CHLSN: variants seen among roughly 807,000 people sequenced by gnomAD.
CHLSN encodes protein cholesin.
At chr7:1,131,484 C>G in the CHLSN span, among the ~76,000 whole-genome samples, 250 of 152,330 alleles carry the variant, frequency 1.6e-3, no homozygotes, top group Non-Finnish European at 2.6e-3. Flanking sequence ...CTGGTAACAG[C>G]ACATTGGAAG....
the CHLSN span, among the ~76,000 whole-genome samples, chr7:1,085,098 C>T: frequency 3.9e-5 from 6 of 152,260 alleles, no homozygotes; most frequent in African/African-American, 1.2e-4. Context: ...GTGGCATTCA[C>T]TCGGGAGGGC....
chr7:1,049,731 G>A, the CHLSN span, among the ~76,000 whole-genome samples: 2 of 152,226 alleles, frequency 1.3e-5, no homozygotes, highest in Admixed American at 6.5e-5. Flanking sequence ...TAGACCAGAG[G>A]TCAAGGCAGC....
chr7:1,057,547 G>A, the CHLSN span: 103,991 of 773,128 alleles, frequency 0.13, 8,165 homozygotes, highest in Middle Eastern at 0.24. Context: ...AACGGCACAG[G>A]GCTGGTGGAG....
At chr7:1,113,167 C>T in the CHLSN span, among the ~76,000 whole-genome samples, 4 of 151,920 alleles carry the variant, frequency 2.6e-5, no homozygotes, top group Non-Finnish European at 5.9e-5. Context: ...GAGGCATCCA[C>T]GTCGATGTCC....
chr7:991,551 G>A, the CHLSN span, among the ~76,000 whole-genome samples: 3 of 152,358 alleles, frequency 2.0e-5, no homozygotes, highest in South Asian at 6.2e-4. Context: ...GCAGACCTGG[G>A]TGCCCGTTTC....
chr7:1,075,174 G>T, the CHLSN span, among the ~76,000 whole-genome samples: 1 of 152,188 alleles, frequency 6.6e-6, no homozygotes, highest in Non-Finnish European at 1.5e-5. Flanking sequence ...GAGGGGTGTG[G>T]TTCCTAGGCC....
the CHLSN span, among the ~76,000 whole-genome samples, chr7:1,121,510 C>T: frequency 7.9e-5 from 12 of 152,230 alleles, no homozygotes; most frequent in Non-Finnish European, 1.6e-4. Flanking sequence ...TTTTATAAAG[C>T]TGCGGTCTTC....
At chr7:1,017,298 C>T in the CHLSN span, among the ~76,000 whole-genome samples, 2 of 152,140 alleles carry the variant, frequency 1.3e-5, no homozygotes, top group African/African-American at 4.8e-5. Context: ...GGGAGGGACG[C>T]CACCAGCCCA....
chr7:1,131,049 C>T, the CHLSN span, among the ~76,000 whole-genome samples: 8 of 151,858 alleles, frequency 5.3e-5, no homozygotes, highest in African/African-American at 7.3e-5. Flanking sequence ...AAATTGGCTA[C>T]GCTTGGTGGT....
chr7:1,037,190 A>T, the CHLSN span, among the ~76,000 whole-genome samples: 1 of 145,340 alleles, frequency 6.9e-6, no homozygotes, highest in African/African-American at 2.5e-5. Context: ...AAAAATCTGT[A>T]GTTATGTCAT....
At chr7:1,066,698 G>C in the CHLSN span, among the ~76,000 whole-genome samples, 1 of 152,240 alleles carries the variant, frequency 6.6e-6, no homozygotes, top group African/African-American at 2.4e-5. Flanking sequence ...GTCTGCCAGG[G>C]GCCTGCTGGG....
chr7:1,017,711 C>T, the CHLSN span, among the ~76,000 whole-genome samples: 3 of 152,180 alleles, frequency 2.0e-5, no homozygotes, highest in African/African-American at 4.8e-5. Context: ...CTGACTGCCG[C>T]GGGCAGCCGC....
chr7:1,030,907 G>C, the CHLSN span, among the ~76,000 whole-genome samples: 1 of 152,144 alleles, frequency 6.6e-6, no homozygotes, highest in African/African-American at 2.4e-5. Flanking sequence ...TTACTGCACC[G>C]GCACATCCAA....
At chr7:1,030,301 C>T in the CHLSN span, among the ~76,000 whole-genome samples, 1 of 152,228 alleles carries the variant, frequency 6.6e-6, no homozygotes, top group African/African-American at 2.4e-5. Context: ...CACAGCCACC[C>T]GCCTCCACAC....
chr7:1,119,036 T>C, the CHLSN span, among the ~76,000 whole-genome samples: 1 of 149,630 alleles, frequency 6.7e-6, no homozygotes, highest in African/African-American at 2.5e-5. Flanking sequence ...AGGAGGATCA[T>C]GAGGTCTAGA....
chr7:1,070,354 TG>T, the CHLSN span, among the ~76,000 whole-genome samples: 3 of 104,830 alleles, frequency 2.9e-5, no homozygotes, highest in Admixed American at 9.1e-5. Context: ...GGGAGGGAGG[TG>T]GGGGGGTCAG....
chr7:1,100,760 T>A, the CHLSN span, among the ~76,000 whole-genome samples: 1 of 151,624 alleles, frequency 6.6e-6, no homozygotes, highest in East Asian at 1.9e-4. Flanking sequence ...CCACAGGGGC[T>A]TCTTGTGGTT....
chr7:1,063,832 C>T, the CHLSN span, among the ~76,000 whole-genome samples: 15 of 152,346 alleles, frequency 9.8e-5, no homozygotes, highest in African/African-American at 2.6e-4. Flanking sequence ...GCCCTTGCCA[C>T]GGCTCCTTAA....
At chr7:1,077,150 AT>A in the CHLSN span, among the ~76,000 whole-genome samples, 1 of 152,024 alleles carries the variant, frequency 6.6e-6, no homozygotes. Flanking sequence ...TTCAGGTCCT[AT>A]TTTTATTTAT....
Sources: gnomAD v4.1 joint callset for allele counts (sites outside exome capture counted in the v4.1 genomes callset) on GRCh38, gnomAD v4.1.1 for gene constraint, MANE v1.5 for transcripts, NCBI Gene and HGNC (gene_info 2026-07-23, HGNC 2026-07-21) for gene names.